FRMD6: variants seen among roughly 807,000 people sequenced by gnomAD.
FRMD6 encodes the protein FERM domain containing 6, also known as FERM domain-containing protein 6.
A neutral mutation model predicts 73.2 loss-of-function variants in FRMD6; 37 were observed. That is an observed-to-expected ratio of 0.51 (90% CI 0.39 to 0.66). The LOEUF (loss-of-function observed/expected upper bound fraction) is 0.66. FRMD6 is among the 30% of genes least tolerant of loss of function. The probability of loss-of-function intolerance (pLI) is 0.00; values close to 1 mark genes in which losing one functional copy is unlikely to be tolerated. For synonymous variants in FRMD6, 273 were observed against 282.2 expected (o/e 0.97, Z 0.33); for missense variants, 714 against 780.5 (o/e 0.91, Z 1.02).
intron 6 of FRMD6, 32 bp from the exon 7 acceptor site, chr14:51,708,046 T>G (rs756446918): frequency 6.2e-7 from 1 of 1,607,794 alleles, no homozygotes; most frequent in Non-Finnish European, 8.5e-7. Context: ...CTCCAACAAA[T>G]GTTGCATTGC....
chr14:51,704,987 T>TTC (rs754309190), intron 6 of FRMD6, 52 bp downstream of exon 6: 2 of 1,505,748 alleles, frequency 1.3e-6, no homozygotes, highest in Non-Finnish European at 9.1e-7. Context: ...GCATTTCTAG[T>TTC]TCGTAGTGTT....
chr14:51,580,501 G>T (rs919316654), intron 2 of FRMD6, among the ~76,000 whole-genome samples: 1 of 152,194 alleles, frequency 6.6e-6, no homozygotes, highest in South Asian at 2.1e-4. Context: ...GCACAGAGAA[G>T]TTAAATAGTT....
At chr14:51,672,805 A>C (rs1473023122) in intron 1 of FRMD6, among the ~76,000 whole-genome samples, 3 of 152,192 alleles carry the variant, frequency 2.0e-5, no homozygotes, top group Non-Finnish European at 4.4e-5. Context: ...AAAATTATTC[A>C]TAATAGTCTT....
the FRMD6 span, chr14:51,397,224 G>A: frequency 6.6e-6 from 1 of 152,282 alleles, no homozygotes; most frequent in African/African-American, 2.4e-5. Flanking sequence ...ACATCAGGAA[G>A]GAAACTGAGG....
At chr14:51,647,042 G>T (rs1334885435), upstream of FRMD6, among the ~76,000 whole-genome samples, 1 of 152,000 alleles carries the variant, frequency 6.6e-6, no homozygotes, top group Admixed American at 6.6e-5. Flanking sequence ...TGTGATGTTT[G>T]TGGTGAAATT....
chr14:51,492,646 A>G (rs1468079496), intron 1 of FRMD6, among the ~76,000 whole-genome samples: 1 of 152,182 alleles, frequency 6.6e-6, no homozygotes, highest in East Asian at 1.9e-4. Context: ...TGAATTTTTA[A>G]AAAAAGAGAA....
intron 1 of FRMD6, among the ~76,000 whole-genome samples, chr14:51,670,922 C>T (rs564342467): frequency 1.3e-5 from 2 of 152,330 alleles, no homozygotes; most frequent in South Asian, 4.1e-4. Context: ...GGTGGGATTA[C>T]AGGCGTGGGC....
chr14:51,586,297 C>T (rs1013854902), intron 2 of FRMD6, among the ~76,000 whole-genome samples: 1 of 151,962 alleles, frequency 6.6e-6, no homozygotes. Flanking sequence ...AAGATGATAC[C>T]TCATTGTGGT....
chr14:51,559,075 C>T (rs1887325047), intron 1 of FRMD6, among the ~76,000 whole-genome samples: 1 of 152,160 alleles, frequency 6.6e-6, no homozygotes, highest in Admixed American at 6.5e-5. Context: ...TTTGTTGCCA[C>T]ATTTCTTAGT....
At chr14:51,715,532 G>A (rs1174073091) in intron 10 of FRMD6, 33 bp downstream of exon 10, 1 of 1,535,108 alleles carries the variant, frequency 6.5e-7, no homozygotes, top group Non-Finnish European at 8.8e-7. Flanking sequence ...GAAGCAAATT[G>A]TACCTTTGCC....
At chr14:51,624,375 T>C (rs986972941) in intron 2 of FRMD6, among the ~76,000 whole-genome samples, 1 of 152,216 alleles carries the variant, frequency 6.6e-6, no homozygotes, top group African/African-American at 2.4e-5. Flanking sequence ...GCTTAGACAC[T>C]GTAGCCCAAA....
intron 2 of FRMD6, among the ~76,000 whole-genome samples, chr14:51,620,508 C>G (rs887040600): frequency 6.6e-6 from 1 of 151,960 alleles, no homozygotes; most frequent in African/African-American, 2.4e-5. Flanking sequence ...TAAATGGGCC[C>G]CTGTGTCCTT....
At chr14:51,544,261 A>C (rs1886347413) in intron 1 of FRMD6, among the ~76,000 whole-genome samples, 1 of 152,092 alleles carries the variant, frequency 6.6e-6, no homozygotes, top group African/African-American at 2.4e-5. Context: ...GAGGTTTTTA[A>C]AACTTAAGGA....
the FRMD6 span, among the ~76,000 whole-genome samples, chr14:51,406,371 G>A: frequency 6.6e-6 from 1 of 151,900 alleles, no homozygotes; most frequent in Non-Finnish European, 1.5e-5. Context: ...AATGTTATTG[G>A]TAATGATAGG....
intron 1 of FRMD6, among the ~76,000 whole-genome samples, chr14:51,535,427 C>T (rs1885827960): frequency 6.6e-6 from 1 of 152,200 alleles, no homozygotes; most frequent in Non-Finnish European, 1.5e-5. Context: ...CTATTCTGGA[C>T]ATTTCTACTT....
intron 2 of FRMD6, among the ~76,000 whole-genome samples, chr14:51,629,791 G>A (rs1891266866): frequency 6.6e-6 from 1 of 152,130 alleles, no homozygotes. Flanking sequence ...ATGTAACCTG[G>A]TAAAGCCACA....
At chr14:51,625,617 A>T (rs1027268238) in intron 2 of FRMD6, among the ~76,000 whole-genome samples, 3 of 152,192 alleles carry the variant, frequency 2.0e-5, no homozygotes, top group Non-Finnish European at 4.4e-5. Flanking sequence ...AGAGCCTTCA[A>T]ATCTTTCTGC....
intron 2 of FRMD6, among the ~76,000 whole-genome samples, chr14:51,598,167 G>GA: frequency 6.6e-6 from 1 of 152,044 alleles, no homozygotes; most frequent in East Asian, 1.9e-4. Context: ...CCAGAGAGGA[G>GA]AAAAAATTAA....
chr14:51,477,723 TTTC>T, the FRMD6 span, among the ~76,000 whole-genome samples: 4 of 125,380 alleles, frequency 3.2e-5, no homozygotes, highest in Non-Finnish European at 6.4e-5. Flanking sequence ...TCTTTCTTTC[TTTC>T]TTTTCTTTTT....
Sources: gnomAD v4.1 joint callset for allele counts (sites outside exome capture counted in the v4.1 genomes callset) on GRCh38, gnomAD v4.1.1 for gene constraint, MANE v1.5 for transcripts, NCBI Gene and HGNC (gene_info 2026-07-23, HGNC 2026-07-21) for gene names.